Variants in PKHD1 observed in about 807,000 individuals in gnomAD.
PKHD1 encodes PKHD1 ciliary IPT domain containing fibrocystin/polyductin.
Under a neutral mutation model 412.0 loss-of-function variants are expected in PKHD1, and 291 were observed. The observed-to-expected ratio is 0.71, with a 90% confidence interval of 0.64 to 0.78. PKHD1 has a LOEUF of 0.78. Among genes scored for constraint, PKHD1 ranks in the 30% least tolerant of loss-of-function variants. The pLI is 0.00. For synonymous variants in PKHD1, 1,777 were observed against 1,821.5 expected (o/e 0.98, Z 0.62); for missense variants, 4,825 against 4,950.7 (o/e 0.97, Z 0.76).
chr6:51,760,230 A>G (rs1426463179), intron 55 of PKHD1, among the ~76,000 whole-genome samples: 1 of 152,136 alleles, frequency 6.6e-6, no homozygotes, highest in Non-Finnish European at 1.5e-5. Context: ...CAAGAAGCTC[A>G]ATAAGTTCTG....
intron 60 of PKHD1, among the ~76,000 whole-genome samples, chr6:51,729,441 T>C (rs1782981366): frequency 1.3e-5 from 2 of 152,236 alleles, no homozygotes; most frequent in African/African-American, 4.8e-5. Context: ...ATTTTTTTAA[T>C]GGCAACCTTC....
At chr6:51,989,111 C>T (rs1193741599) in intron 35 of PKHD1, among the ~76,000 whole-genome samples, 1 of 152,162 alleles carries the variant, frequency 6.6e-6, no homozygotes, top group Non-Finnish European at 1.5e-5. Context: ...ATTCATGCTG[C>T]GAATCCACTC....
chr6:51,706,465 T>C (rs1780029934), intron 60 of PKHD1, among the ~76,000 whole-genome samples: 1 of 126,428 alleles, frequency 7.9e-6, no homozygotes, highest in African/African-American at 2.9e-5. Flanking sequence ...ATATATCATC[T>C]CTAATTCTCC....
At chr6:51,981,372 T>A (rs1484291220) in intron 35 of PKHD1, among the ~76,000 whole-genome samples, 1 of 99,642 alleles carries the variant, frequency 1.0e-5, no homozygotes, top group Non-Finnish European at 2.0e-5. Flanking sequence ...TCCCTCTCCC[T>A]CCACGGTCTC....
At chr6:52,079,343 C>G (rs969904192) in intron 5 of PKHD1, among the ~76,000 whole-genome samples, 2 of 152,134 alleles carry the variant, frequency 1.3e-5, no homozygotes, top group Non-Finnish European at 2.9e-5. Flanking sequence ...CCTTTTGGTT[C>G]AGTGTTGGAA....
chr6:51,793,675 T>A (rs933132121), intron 52 of PKHD1, among the ~76,000 whole-genome samples: 1 of 152,224 alleles, frequency 6.6e-6, no homozygotes, highest in Non-Finnish European at 1.5e-5. Flanking sequence ...TCCATCCATA[T>A]CCCTGCAAAG....
chr6:51,836,248 T>A (rs188707198), intron 51 of PKHD1, among the ~76,000 whole-genome samples, 156 bp downstream of exon 51: 15 of 152,310 alleles, frequency 9.8e-5, no homozygotes, highest in Admixed American at 8.5e-4. Context: ...GATACATATT[T>A]TAGTTACAGG....
chr6:51,657,310 G>T (rs1354555517), intron 61 of PKHD1, among the ~76,000 whole-genome samples: 3 of 151,880 alleles, frequency 2.0e-5, no homozygotes, highest in Non-Finnish European at 4.4e-5. Context: ...TTTTGGTTTG[G>T]TTTTTTATCA....
chr6:51,868,925 C>T (rs532459929), intron 47 of PKHD1, among the ~76,000 whole-genome samples: 14 of 152,076 alleles, frequency 9.2e-5, no homozygotes, highest in African/African-American at 3.1e-4. Context: ...AATTCACACA[C>T]CCATGTCATT....
chr6:52,060,098 C>A, intron 14 of PKHD1, 56 bp from the exon 15 acceptor site: 1 of 884,994 alleles, frequency 1.1e-6, no homozygotes, highest in South Asian at 1.3e-5. Context: ...ATCACTGAAC[C>A]AACAAATGAC....
intron 52 of PKHD1, among the ~76,000 whole-genome samples, chr6:51,795,963 A>G (rs986383127): frequency 6.6e-5 from 10 of 152,120 alleles, no homozygotes; most frequent in African/African-American, 2.2e-4. Context: ...GTTCATCAAT[A>G]ATATTGACCC....
chr6:51,781,666 T>C (rs1043334124), intron 53 of PKHD1, among the ~76,000 whole-genome samples: 1 of 152,096 alleles, frequency 6.6e-6, no homozygotes, highest in African/African-American at 2.4e-5. Context: ...CTGTACATAA[T>C]ACATGTTTTT....
intron 26 of PKHD1, 37 bp downstream of exon 26, chr6:52,043,588 G>T: frequency 1.4e-6 from 2 of 1,433,734 alleles, no homozygotes; most frequent in Non-Finnish European, 2.0e-6. Context: ...CAAGTCTCCG[G>T]CTTAAGCCCA....
At position 52,010,316 on chromosome 6, in the gene PKHD1, T is replaced by C. The variant is rs760830523; in HGVS notation, c.5744A>G (p.Asn1915Ser). 29 of 1,613,848 alleles carry C rather than the reference T, an allele frequency of 1.8e-5. 1 individual carries two copies. In the South Asian group the frequency reaches 3.0e-4, roughly 16 times the overall value. ...ITEIRKRWGQ[N>S]TQGNFSLQFC... The stretch of plus-strand genomic sequence containing the variant: ...AAAAAGATTTGATTATACCTGAGTG[T>C]TCTGGCCCCAGCGTTTCCGTATCTC... The change falls in exon 35 of 67, where the codon AAC (asparagine) becomes AGC (serine). Residue 1915 changes from asparagine (N) to serine (S), a missense_variant. Asn to Ser is a conservative substitution (Grantham distance 46). Coordinates refer to ENST00000371117, the MANE Select transcript of PKHD1 (RefSeq NM_138694.4).
At chr6:51,898,359 C>G (rs9395741) in intron 43 of PKHD1, among the ~76,000 whole-genome samples, 54,689 of 145,994 alleles carry the variant, frequency 0.37, 10,913 homozygotes, top group East Asian at 0.74. Flanking sequence ...GATTAAGAAT[C>G]TCACTCAAAA....
At chr6:51,809,201 T>C (rs1764302252) in intron 52 of PKHD1, among the ~76,000 whole-genome samples, 1 of 152,124 alleles carries the variant, frequency 6.6e-6, no homozygotes, top group African/African-American at 2.4e-5. Context: ...TTTGATTCCT[T>C]TATATTTAAT....
chr6:51,769,728 A>G (rs1282029443), intron 55 of PKHD1, among the ~76,000 whole-genome samples: 15 of 151,334 alleles, frequency 9.9e-5, no homozygotes, highest in Non-Finnish European at 5.9e-5. Context: ...TTTGTTTAGA[A>G]TAACTGTCAA....
intron 43 of PKHD1, among the ~76,000 whole-genome samples, chr6:51,891,678 A>G (rs894352624): frequency 8.6e-5 from 13 of 150,592 alleles, no homozygotes; most frequent in African/African-American, 3.2e-4. Flanking sequence ...TAAAGACCCT[A>G]TTCCTTCCTG....
chr6:51,800,852 C>T (rs1451793755), intron 52 of PKHD1, among the ~76,000 whole-genome samples: 2 of 152,324 alleles, frequency 1.3e-5, no homozygotes, highest in Admixed American at 6.5e-5. Flanking sequence ...GGACACAGCT[C>T]AGACTTCTGA....
Sources: allele counts gnomAD v4.1 joint callset (sites outside exome capture counted in the v4.1 genomes callset), GRCh38; gene constraint gnomAD v4.1.1; transcripts MANE v1.5; gene names NCBI Gene and HGNC (gene_info 2026-07-23, HGNC 2026-07-21).